WDR48: variants seen among roughly 807,000 people sequenced by gnomAD.
WDR48 encodes the protein WD repeat domain 48.
A neutral mutation model predicts 94.0 loss-of-function variants in WDR48; 22 were observed. The ratio of observed to expected loss-of-function variants is 0.23; its 90% CI spans 0.17 to 0.33. The LOEUF (loss-of-function observed/expected upper bound fraction) is 0.33. Ranked by LOEUF, WDR48 falls within the 10% of genes least tolerant of loss-of-function variation. The pLI, the probability that WDR48 is intolerant of heterozygous loss-of-function variation, is 1.00. For missense variants in WDR48, 541 were observed against 813.8 expected, an observed-to-expected ratio of 0.66 and a Z score of 4.08; for synonymous variants, 278 against 280.5, an observed-to-expected ratio of 0.99 and a Z score of 0.09.
At chr3:39,056,423 T>C (rs2125632151) in intron 1 of WDR48, among the ~76,000 whole-genome samples, 1 of 152,320 alleles carries the variant, frequency 6.6e-6, no homozygotes, top group Admixed American at 6.5e-5. Flanking sequence ...TTCCCGGAGC[T>C]TAAGTGCCGC....
intron 1 of WDR48, 72 bp downstream of exon 1, chr3:39,052,145 C>T: frequency 6.3e-7 from 1 of 1,587,524 alleles, no homozygotes; most frequent in South Asian, 1.1e-5. Flanking sequence ...TAGAAGGTGC[C>T]CGGCGCCACG....
chr3:39,092,410 A>T (rs935803184), intron 17 of WDR48, among the ~76,000 whole-genome samples: 1 of 152,226 alleles, frequency 6.6e-6, no homozygotes, highest in African/African-American at 2.4e-5. Flanking sequence ...TCCAGGACAC[A>T]GTGTGATCAG....
chr3:39,089,244 G>A lies in WDR48; in HGVS notation c.1594G>A (p.Asp532Asn). The A allele has an allele frequency of 6.2e-7, 1 of 1,613,310 alleles. No homozygotes were observed. Among genetic ancestry groups the A allele is most frequent in the Non-Finnish European group, 8.5e-7 (1 of 1,179,634 alleles). Residue 532 changes from aspartate (D) to asparagine (N), a missense_variant, in exon 16 of 19, where the codon GAT becomes AAT. Coordinates refer to ENST00000302313, the MANE Select transcript of WDR48 (RefSeq NM_020839.4). ...GRTLFRLLCRDSGGETESMLL... is the reference protein window; with the variant it reads ...GRTLFRLLCRNSGGETESMLL... Reference sequence around the variant, plus strand: ...GTTTATGTTTAGGCTGCTCTGCCGAGATTCCGGGGGTGAGACTGAGTCTAT... The same window carrying A: ...GTTTATGTTTAGGCTGCTCTGCCGAAATTCCGGGGGTGAGACTGAGTCTAT...
At chr3:39,073,772 T>G (rs2034064888) in intron 7 of WDR48, among the ~76,000 whole-genome samples, 1 of 152,168 alleles carries the variant, frequency 6.6e-6, no homozygotes, top group African/African-American at 2.4e-5. Flanking sequence ...CAGTGTTAAC[T>G]CACTTGAGGC....
chr3:39,077,189 A>C lies in WDR48; in HGVS notation c.948A>C (p.Thr316=). 1.2e-6 allele frequency: 2 copies of C among 1,614,196 alleles called. No individual in the cohort carries two copies. The highest frequency in any genetic ancestry group is 2.2e-5 in the South Asian group (2 of 91,086). The change falls in exon 9 of 19, where the codon ACA becomes ACC. Residue 316 remains threonine, a synonymous_variant. Transcript: ENST00000302313. ...CTCCTCCTGCAATTTGGGTTGCAAC[A>C]ACTAAGTCTACAGTAAATAAATGGG... ...ADPPPAIWVA[T]TKSTVNKWTL...
intron 11 of WDR48, 151 bp from the exon 12 acceptor site, chr3:39,084,004 A>G: frequency 2.0e-6 from 1 of 509,750 alleles, no homozygotes. Flanking sequence ...GCAGATTGTT[A>G]TTTTAAAAAA....
Position 39,063,073 on chromosome 3 carries a change from A to G in WDR48, c.72A>G (p.Glu24=), listed in dbSNP as rs760370979. The G allele has an allele frequency of 6.2e-7, 1 of 1,614,102 alleles. No individual in the cohort carries two copies. Among genetic ancestry groups the G allele is most frequent in the Admixed American group, 1.7e-5 (1 of 60,014 alleles). Reference sequence around the variant, plus strand: ...AGGTTTCCTATGTTATTCGAGATGAAGTGGAGAAGTACAACCGAAATGGAG... The same window carrying G: ...AGGTTTCCTATGTTATTCGAGATGAGGTGGAGAAGTACAACCGAAATGGAG... ...KVQVSYVIRD[E]VEKYNRNGVN... Residue 24 remains glutamate (E), a synonymous_variant, in exon 2 of 19, where the codon GAA becomes GAG. Transcript: ENST00000302313.
intron 16 of WDR48, 121 bp downstream of exon 16, chr3:39,089,439 A>G: frequency 1.3e-6 from 1 of 798,284 alleles, no homozygotes; most frequent in Non-Finnish European, 1.9e-6. Context: ...TGGAATCCCC[A>G]TCTGCTTCCT....
At position 39,096,178 on chromosome 3, in the gene WDR48, T is replaced by C. The variant is rs2035320676; in HGVS notation, c.*1435T>C. The C allele has an allele frequency of 6.6e-6, 1 of 152,538 alleles. No individual in the cohort carries two copies. The highest frequency in any genetic ancestry group is 2.1e-4 in the South Asian group (1 of 4,836). The allele number at this position is 152,538 out of a possible 1,614,324, so 9.4% of individuals were successfully genotyped here. On this transcript the variant is annotated 3_prime_UTR_variant, in exon 19 of 19. Coordinates refer to ENST00000302313, the MANE Select transcript of WDR48 (RefSeq NM_020839.4). ...AGAGACAGGGTTCCCTCACTGCTAG[T>C]CAGCTTCTTTTGGAAACTGGACAGG... is the stretch of plus-strand genomic sequence containing the variant.
chr3:39,080,345 C>A (rs1033290757), intron 11 of WDR48, among the ~76,000 whole-genome samples: 1 of 152,204 alleles, frequency 6.6e-6, no homozygotes, highest in Non-Finnish European at 1.5e-5. Flanking sequence ...GATTTATAGA[C>A]ATCACTATGA....
intron 7 of WDR48, among the ~76,000 whole-genome samples, chr3:39,074,285 T>TA (rs529875838): frequency 6.6e-6 from 1 of 152,308 alleles, no homozygotes; most frequent in South Asian, 2.1e-4. Context: ...CCTGCTGGAG[T>TA]ATCTCTAAGC....
intron 1 of WDR48, among the ~76,000 whole-genome samples, chr3:39,062,062 C>T (rs2033303706): frequency 6.6e-6 from 1 of 152,164 alleles, no homozygotes; most frequent in South Asian, 2.1e-4. Flanking sequence ...TGCCTGTTCA[C>T]TCTGATGATA....
intron 8 of WDR48, among the ~76,000 whole-genome samples, chr3:39,075,458 C>T (rs1012491069): frequency 6.6e-5 from 10 of 152,074 alleles, no homozygotes; most frequent in African/African-American, 2.4e-4. Context: ...GAAGAGTACT[C>T]TCCTGAAAGA....
At chr3:39,091,000 A>G (rs1221764218) in intron 16 of WDR48, 3 of 152,204 alleles carry the variant, frequency 2.0e-5, no homozygotes, top group Non-Finnish European at 2.9e-5. Context: ...TCCAGACAGG[A>G]TGTGACATGA....
intron 5 of WDR48, among the ~76,000 whole-genome samples, chr3:39,067,848 T>G (rs1223055937): frequency 6.6e-6 from 1 of 152,236 alleles, no homozygotes; most frequent in Non-Finnish European, 1.5e-5. Context: ...AACATTCTTT[T>G]TCCCTTGTTC....
chr3:39,057,870 C>G (rs894528876), intron 1 of WDR48, among the ~76,000 whole-genome samples: 3 of 152,232 alleles, frequency 2.0e-5, no homozygotes, highest in Non-Finnish European at 4.4e-5. Context: ...ATCTGCCCGC[C>G]TTGGCCTCCC....
chr3:39,066,558 T>C lies in WDR48; in HGVS notation c.279T>C (p.Ala93=), dbSNP rs1208318604. ...CTTTGCTTCTTCTAGTAATATCTGC[T>C]TCTTCTGACACGACAGTAAAAGTAT... ...LCCNGKTLIS[A]SSDTTVKVWN... Residue 93 remains alanine (A), a synonymous_variant, in exon 4 of 19, where the codon GCT becomes GCC. Coordinates refer to ENST00000302313, the MANE Select transcript of WDR48 (RefSeq NM_020839.4). 2.5e-6 allele frequency: 4 copies of C among 1,613,580 alleles called. No homozygotes were observed. Among genetic ancestry groups the C allele is most frequent in the Non-Finnish European group, 2.5e-6 (3 of 1,179,860 alleles).
rs754883909 is a variant in WDR48, at chr3:39,068,909, T to C, written c.570+50T>C. On this transcript the variant is annotated intron_variant, in intron 6 of 18. Coordinates refer to ENST00000302313, the MANE Select transcript of WDR48 (RefSeq NM_020839.4). ...TTAAAAAAAAAAATTATTTTTCACA[T>C]ACCTTGTCTCCTATTTTTTAAGCAG... The C allele has an allele frequency of 3.2e-6, 4 of 1,261,424 alleles. No homozygotes were observed. The African/African-American group carries it at 4.5e-5, about 14-fold the overall frequency. 78.1% of individuals were successfully genotyped at this position (1,261,424 alleles called of 1,614,324 possible).
rs977136298 is a variant in WDR48, at chr3:39,095,763, A to G, written c.*1020A>G. 2.0e-5 allele frequency: 3 copies of G among 152,608 alleles called. No homozygotes were observed. The highest frequency in any genetic ancestry group is 7.2e-5 in the African/African-American group (3 of 41,448). The allele number at this position is 152,608 out of a possible 1,614,324, so 9.5% of individuals were successfully genotyped here. A position where few individuals can be genotyped will look rare whatever the true frequency, so the allele number is the denominator to read the frequency against. ...GTACCTGTATCCAGATCTTCTTTTC[A>G]CTGTTCTAACAATCTAACACTTTCA... is the stretch of plus-strand genomic sequence containing the variant. On this transcript the variant is annotated 3_prime_UTR_variant, in exon 19 of 19. Coordinates refer to ENST00000302313, the MANE Select transcript of WDR48 (RefSeq NM_020839.4).
Sources: gnomAD v4.1 joint callset for allele counts (sites outside exome capture counted in the v4.1 genomes callset) on GRCh38, gnomAD v4.1.1 for gene constraint, MANE v1.5 for transcripts, NCBI Gene and HGNC (gene_info 2026-07-23, HGNC 2026-07-21) for gene names.